LRRC4C: variants seen among roughly 807,000 people sequenced by gnomAD.
The protein encoded by LRRC4C is leucine-rich repeat-containing protein 4C.
Under a neutral mutation model 33.6 loss-of-function variants are expected in LRRC4C, and 5 were observed. The observed-to-expected ratio is 0.15, with a 90% CI of 0.08 to 0.31. The LOEUF (loss-of-function observed/expected upper bound fraction) is 0.31. Among genes scored for constraint, LRRC4C ranks in the 10% least tolerant of loss-of-function variants. The probability of loss-of-function intolerance (pLI) is 1.00; values close to 1 mark genes in which losing one functional copy is unlikely to be tolerated. For missense variants in LRRC4C, 560 were observed against 796.7 expected, an observed-to-expected ratio of 0.70 and a Z score of 3.58; for synonymous variants, 329 against 302.0, an observed-to-expected ratio of 1.09 and a Z score of -0.93.
chr11:40,820,654 T>A lies in LRRC4C; in HGVS notation c.-407+112981A>T, dbSNP rs567688757. 2.6e-5 allele frequency among the ~76,000 whole-genome samples: 4 copies of A among 152,042 alleles called. 1 individual carries two copies. Among genetic ancestry groups the A allele is most frequent in the South Asian group, 4.1e-4 (2 of 4,822 alleles). ...AACAATATCTAACATTTATTCATTT[T>A]AAAAATTATCAGAAAACTAGGAATA... On this transcript the variant is annotated intron_variant, in intron 2 of 6. Coordinates refer to ENST00000528697, the MANE Select transcript of LRRC4C (RefSeq NM_001258419.2).
At chr11:40,904,256 C>A (rs1366336618) in intron 2 of LRRC4C, among the ~76,000 whole-genome samples, 1 of 152,134 alleles carries the variant, frequency 6.6e-6, no homozygotes, top group Non-Finnish European at 1.5e-5. Flanking sequence ...TTAATTCAGA[C>A]AAGATACACA....
At chr11:41,202,681 C>T (rs1437909986) in intron 1 of LRRC4C, among the ~76,000 whole-genome samples, 1 of 152,024 alleles carries the variant, frequency 6.6e-6, no homozygotes, top group East Asian at 1.9e-4. Flanking sequence ...AGCCTCTCTT[C>T]AAATATTAAG....
intron 2 of LRRC4C, among the ~76,000 whole-genome samples, chr11:40,734,706 A>G (rs973307858): frequency 6.6e-6 from 1 of 152,162 alleles, no homozygotes; most frequent in African/African-American, 2.4e-5. Context: ...GTTTCTTTAC[A>G]ATCTAAAAAA....
chr11:40,476,623 C>A (rs1450694614), intron 3 of LRRC4C, among the ~76,000 whole-genome samples: 2 of 152,108 alleles, frequency 1.3e-5, no homozygotes, highest in Admixed American at 6.6e-5. Flanking sequence ...GGATTACAGG[C>A]GTAAGCCACC....
At chr11:40,157,256 A>G (rs1858775591) in intron 5 of LRRC4C, among the ~76,000 whole-genome samples, 1 of 152,190 alleles carries the variant, frequency 6.6e-6, no homozygotes, top group African/African-American at 2.4e-5. Flanking sequence ...TACAAAAATC[A>G]ACACAAGTTG....
intron 1 of LRRC4C, among the ~76,000 whole-genome samples, chr11:40,940,301 A>ATTTATTT (rs1958086143): frequency 6.6e-6 from 1 of 152,116 alleles, no homozygotes; most frequent in African/African-American, 2.4e-5. Flanking sequence ...AGTTTAGAAT[A>ATTTATTT]GTATATTATT....
At chr11:40,671,362 G>T (rs7949003) in intron 2 of LRRC4C, among the ~76,000 whole-genome samples, 30,059 of 152,040 alleles carry the variant, frequency 0.2, 3,525 homozygotes, top group East Asian at 0.49. Flanking sequence ...GATACGGAGG[G>T]CTTAAGGGAG....
chr11:40,447,904 C>T (rs1413647967), intron 3 of LRRC4C, among the ~76,000 whole-genome samples: 1 of 152,146 alleles, frequency 6.6e-6, no homozygotes, highest in Non-Finnish European at 1.5e-5. Flanking sequence ...GCAACATCTG[C>T]CTTCCAGGTT....
chr11:40,576,504 A>T (rs1958199350), intron 3 of LRRC4C, among the ~76,000 whole-genome samples: 1 of 152,202 alleles, frequency 6.6e-6, no homozygotes, highest in East Asian at 1.9e-4. Context: ...TAACTAACTG[A>T]TCCCTGAAAG....
At chr11:40,207,603 A>T (rs1863256156) in intron 5 of LRRC4C, among the ~76,000 whole-genome samples, 1 of 152,182 alleles carries the variant, frequency 6.6e-6, no homozygotes, top group South Asian at 2.1e-4. Context: ...ATACTGTCTC[A>T]AAAACAAAGA....
intron 3 of LRRC4C, among the ~76,000 whole-genome samples, chr11:40,430,973 G>T (rs1176431314): frequency 7.0e-6 from 1 of 143,728 alleles, no homozygotes; most frequent in Admixed American, 7.0e-5. Flanking sequence ...GGGAGGGATA[G>T]CATTGGGAGA....
intron 3 of LRRC4C, among the ~76,000 whole-genome samples, chr11:40,392,200 G>A (rs531576483): frequency 6.6e-6 from 1 of 152,026 alleles, no homozygotes; most frequent in East Asian, 1.9e-4. Context: ...GGGAATTTAG[G>A]GCAGTGAAAC....
intron 2 of LRRC4C, among the ~76,000 whole-genome samples, chr11:40,680,185 C>T (rs924879710): frequency 6.6e-6 from 1 of 152,172 alleles, no homozygotes; most frequent in African/African-American, 2.4e-5. Flanking sequence ...CCAATTTCTC[C>T]CATTTGCAAT....
rs1954825820 is a variant in LRRC4C, at chr11:40,502,482, G to T, written c.-270+145660C>A. Among the ~76,000 whole-genome samples, 3 of 152,122 alleles carry T rather than the reference G, an allele frequency of 2.0e-5. No homozygotes were observed. The South Asian group carries it at 6.2e-4, about 32-fold the overall frequency. On this transcript the variant is annotated intron_variant, in intron 3 of 6. Coordinates refer to ENST00000528697, the MANE Select transcript of LRRC4C (RefSeq NM_001258419.2). The stretch of plus-strand genomic sequence containing the variant: ...TCACAATCATGGTGGGAGGTGAAAG[G>T]CACTTCTTACAGGGTGGCAGCAAGA...
intron 2 of LRRC4C, among the ~76,000 whole-genome samples, chr11:40,684,933 A>G (rs1473527509): frequency 6.6e-6 from 1 of 152,090 alleles, no homozygotes; most frequent in African/African-American, 2.4e-5. Flanking sequence ...TATTTTCAAA[A>G]TCTAAAAATA....
intron 2 of LRRC4C, among the ~76,000 whole-genome samples, chr11:40,769,268 T>C (rs1398653405): frequency 6.6e-6 from 1 of 151,842 alleles, no homozygotes; most frequent in Non-Finnish European, 1.5e-5. Flanking sequence ...AATAAACTGA[T>C]GCAAAGAAAT....
chr11:40,735,822 T>G (rs1165062057), intron 2 of LRRC4C, among the ~76,000 whole-genome samples: 1 of 150,554 alleles, frequency 6.6e-6, no homozygotes, highest in African/African-American at 2.4e-5. Flanking sequence ...CAGCACCTGT[T>G]GTTTCCTGAC....
At chr11:40,642,312 G>C (rs1202430864) in intron 3 of LRRC4C, among the ~76,000 whole-genome samples, 1 of 152,110 alleles carries the variant, frequency 6.6e-6, no homozygotes, top group Non-Finnish European at 1.5e-5. Context: ...ACTTGATAAA[G>C]AATAAAGAAA....
intron 3 of LRRC4C, among the ~76,000 whole-genome samples, chr11:40,382,282 G>A (rs1033432275): frequency 1.3e-5 from 2 of 150,916 alleles, no homozygotes; most frequent in African/African-American, 2.4e-5. Flanking sequence ...GCGCCCAGCC[G>A]TGTTTTTACT....
Sources: allele counts gnomAD v4.1 joint callset (sites outside exome capture counted in the v4.1 genomes callset), GRCh38; gene constraint gnomAD v4.1.1; transcripts MANE v1.5; gene names NCBI Gene and HGNC (gene_info 2026-07-23, HGNC 2026-07-21).